PTPRD: variants seen among roughly 807,000 people sequenced by gnomAD.
PTPRD encodes receptor-type tyrosine-protein phosphatase delta.
PTPRD carries 34 observed loss-of-function variants against 214.5 expected under a neutral mutation model. The ratio of observed to expected loss-of-function variants is 0.16; its 90% confidence interval spans 0.12 to 0.21. The LOEUF (loss-of-function observed/expected upper bound fraction) is 0.21, where lower values mean the gene tolerates loss of function less well. Ranked by LOEUF, PTPRD falls within the 10% of genes least tolerant of loss-of-function variation. The pLI, the probability that PTPRD is intolerant of heterozygous loss-of-function variation, is 1.00. For missense variants in PTPRD, 2,545 were observed against 2,398.7 expected, an observed-to-expected ratio of 1.06 and a Z score of -1.27; for synonymous variants, 1,128 against 845.7, an observed-to-expected ratio of 1.33 and a Z score of -5.79.
At chr9:10,486,744 G>A (rs1202652982) in intron 2 of PTPRD, among the ~76,000 whole-genome samples, 1 of 152,180 alleles carries the variant, frequency 6.6e-6, no homozygotes, top group Non-Finnish European at 1.5e-5. Flanking sequence ...ACTTGAGAAT[G>A]ATTCATGTGC....
intron 11 of PTPRD, among the ~76,000 whole-genome samples, chr9:8,931,470 T>G (rs1229951418): frequency 2.0e-5 from 3 of 152,142 alleles, no homozygotes; most frequent in Admixed American, 6.6e-5. Context: ...CGTATGAACT[T>G]TAAAGTAGTT....
chr9:9,500,674 A>T (rs192998374), intron 8 of PTPRD, among the ~76,000 whole-genome samples: 4 of 152,258 alleles, frequency 2.6e-5, no homozygotes, highest in African/African-American at 9.6e-5. Context: ...ACAGATGAAG[A>T]TTTGGATCCA....
chr9:8,455,990 G>A (rs919052682), intron 33 of PTPRD, among the ~76,000 whole-genome samples: 6 of 152,174 alleles, frequency 3.9e-5, no homozygotes, highest in African/African-American at 1.4e-4. Context: ...TTCACAACTG[G>A]TAAATTTAAA....
chr9:10,600,540 CTAAG>C (rs2077705769), intron 2 of PTPRD, among the ~76,000 whole-genome samples: 1 of 151,752 alleles, frequency 6.6e-6, no homozygotes, highest in Admixed American at 6.6e-5. Flanking sequence ...AGAGGCCAGG[CTAAG>C]TAAGAAACTC....
At chr9:8,923,846 T>C (rs1490643132) in intron 11 of PTPRD, among the ~76,000 whole-genome samples, 4 of 152,166 alleles carry the variant, frequency 2.6e-5, no homozygotes, top group Non-Finnish European at 4.4e-5. Flanking sequence ...AACAATGCAG[T>C]GAGTCATATG....
intron 3 of PTPRD, among the ~76,000 whole-genome samples, chr9:10,279,308 G>C (rs889015154): frequency 6.6e-6 from 1 of 152,102 alleles, no homozygotes; most frequent in African/African-American, 2.4e-5. Flanking sequence ...CATTAAAACA[G>C]ACATGCTTTT....
At chr9:8,395,820 C>G (rs1321235300) in intron 36 of PTPRD, among the ~76,000 whole-genome samples, 2 of 151,978 alleles carry the variant, frequency 1.3e-5, no homozygotes, top group Admixed American at 6.6e-5. Flanking sequence ...AGAATGGACA[C>G]AGGAAAGTAG....
At chr9:9,958,325 T>C (rs1296855488) in intron 4 of PTPRD, among the ~76,000 whole-genome samples, 2 of 151,282 alleles carry the variant, frequency 1.3e-5, no homozygotes, top group Non-Finnish European at 2.9e-5. Context: ...AGGTCAGGAG[T>C]TCAAGGCCAG....
intron 7 of PTPRD, among the ~76,000 whole-genome samples, chr9:9,595,498 A>G (rs1298651170): frequency 2.0e-5 from 3 of 150,954 alleles, no homozygotes; most frequent in Non-Finnish European, 4.4e-5. Flanking sequence ...GCATATGTAC[A>G]CATGTACACA....
At chr9:9,806,634 C>A (rs905243874) in intron 5 of PTPRD, among the ~76,000 whole-genome samples, 3 of 152,148 alleles carry the variant, frequency 2.0e-5, no homozygotes. Context: ...CTTTCTCAGA[C>A]TCAGCCCACT....
intron 14 of PTPRD, among the ~76,000 whole-genome samples, chr9:8,552,730 C>A (rs73430455): frequency 6.6e-6 from 1 of 152,122 alleles, no homozygotes; most frequent in East Asian, 1.9e-4. Context: ...TACCTACTCT[C>A]GCTTTGCCCT....
rs1185421591 is a variant in PTPRD at position 9,937,325 on chromosome 9, CATTTTAAT to C, written c.-368+1174_-368+1181del. Among the ~76,000 whole-genome samples, 3 of 150,946 alleles carry C rather than the reference CATTTTAAT, an allele frequency of 2.0e-5. No individual in the cohort carries two copies. In the East Asian group the frequency reaches 5.9e-4, roughly 29 times the overall value. ...ACACATAAAAGTTATCTTATAAAGA[CATTTTAAT>C]CCAATTTCTAAAATTTAAATATATG... On this transcript the variant is annotated intron_variant, in intron 5 of 45. Coordinates refer to ENST00000381196, the MANE Select transcript of PTPRD (RefSeq NM_002839.4).
intron 9 of PTPRD, among the ~76,000 whole-genome samples, chr9:9,391,249 T>G (rs888042961): frequency 6.6e-6 from 1 of 152,168 alleles, no homozygotes; most frequent in Non-Finnish European, 1.5e-5. Context: ...AAGGAATAAT[T>G]TGTGTAGCCA....
chr9:10,555,696 G>C (rs559232958), intron 2 of PTPRD, among the ~76,000 whole-genome samples: 10 of 152,032 alleles, frequency 6.6e-5, no homozygotes, highest in African/African-American at 2.4e-4. Flanking sequence ...CCTGAAATTT[G>C]GAATACTCAG....
At chr9:9,701,243 T>G (rs1465432384) in intron 7 of PTPRD, among the ~76,000 whole-genome samples, 1 of 152,062 alleles carries the variant, frequency 6.6e-6, no homozygotes, top group Non-Finnish European at 1.5e-5. Context: ...AGCAAATAAC[T>G]AAGAATGTTT....
At chr9:8,529,930 T>C (rs888334006) in intron 14 of PTPRD, among the ~76,000 whole-genome samples, 3 of 152,144 alleles carry the variant, frequency 2.0e-5, no homozygotes, top group Non-Finnish European at 4.4e-5. Flanking sequence ...TCCAATTGAG[T>C]CTGGCATTGA....
At chr9:8,567,676 T>A (rs989310849) in intron 14 of PTPRD, among the ~76,000 whole-genome samples, 8 of 152,212 alleles carry the variant, frequency 5.3e-5, no homozygotes, top group Non-Finnish European at 1.2e-4. Flanking sequence ...CTCAGTAAAT[T>A]CAGTATTTTT....
chr9:9,101,760 T>A (rs2099791740), intron 10 of PTPRD, among the ~76,000 whole-genome samples: 1 of 152,208 alleles, frequency 6.6e-6, no homozygotes, highest in Non-Finnish European at 1.5e-5. Flanking sequence ...TTAACCCACA[T>A]GTATAGTAAT....
At chr9:9,566,716 A>T (rs778286072) in intron 8 of PTPRD, among the ~76,000 whole-genome samples, 1 of 152,124 alleles carries the variant, frequency 6.6e-6, no homozygotes, top group Non-Finnish European at 1.5e-5. Context: ...ATAACTAATT[A>T]TATTTCATAG....
Sources: allele counts gnomAD v4.1 joint callset (sites outside exome capture counted in the v4.1 genomes callset), GRCh38; gene constraint gnomAD v4.1.1; transcripts MANE v1.5; gene names NCBI Gene and HGNC (gene_info 2026-07-23, HGNC 2026-07-21).